The following TMEM63B variants were observed in gnomAD, a reference collection of about 807,000 sequenced individuals.
TMEM63B encodes the protein mechanosensitive cation channel TMEM63B.
A neutral mutation model predicts 102.6 loss-of-function variants in TMEM63B; 23 were observed. The observed-to-expected ratio is 0.22, with a 90% CI of 0.16 to 0.32. The LOEUF is 0.32. Among genes scored for constraint, TMEM63B ranks in the 10% least tolerant of loss-of-function variants. TMEM63B has a pLI of 1.00. For synonymous variants in TMEM63B, 444 were observed against 437.0 expected (o/e 1.02, Z -0.20); for missense variants, 628 against 1,095.9 (o/e 0.57, Z 6.03).
At chr6:44,149,269 G>A (rs1766075534) in intron 15 of TMEM63B, 1 of 425,242 alleles carries the variant, frequency 2.4e-6, no homozygotes. Flanking sequence ...TAGATCAGTG[G>A]CTTTGGACTT....
intron 5 of TMEM63B, among the ~76,000 whole-genome samples, chr6:44,137,001 C>T (rs570720624): frequency 5.8e-4 from 89 of 152,324 alleles, no homozygotes; most frequent in African/African-American, 1.9e-3. Context: ...GCTGAGATGG[C>T]GCCACTGCAC....
At chr6:44,146,618 T>C (rs1357902313) in intron 10 of TMEM63B, among the ~76,000 whole-genome samples, 1 of 151,944 alleles carries the variant, frequency 6.6e-6, no homozygotes, top group African/African-American at 2.4e-5. Flanking sequence ...GCCCAGCTAA[T>C]TTTTGTATTT....
At position 44,148,407 on chromosome 6, in the gene TMEM63B, C is replaced by T. The variant is rs1198446252; in HGVS notation, c.1121+22C>T. The T allele has an allele frequency of 9.9e-6, 16 of 1,614,068 alleles. No individual in the cohort carries two copies. The highest frequency in any genetic ancestry group is 2.7e-5 in the African/African-American group (2 of 74,960). On this transcript the variant is annotated intron_variant, in intron 13 of 23. Coordinates refer to ENST00000323267, the MANE Select transcript of TMEM63B (RefSeq NM_018426.3). The surrounding 1 kb of genome is among the most constrained non-coding windows in gnomAD (Gnocchi z 5.1). ...CCATGTGAGTCCCCAACTCGGCCCT[C>T]GGCCCTGAGCAGCCCTCCAGGGCTC...
In TMEM63B at chr6:44,127,573, G is replaced by T. The variant is rs1213677248; in HGVS notation, c.-130G>T. On this transcript the variant is annotated 5_prime_UTR_variant, in exon 1 of 24. Transcript: ENST00000323267. The stretch of plus-strand genomic sequence containing the variant: ...TCCCCCATACACTGCCGCGGCCGCC[G>T]CAGGAGCCCGGAGCTCGAGCCGCCC... 8.7e-6 allele frequency: 1 copy of T among 115,266 alleles called. No individual in the cohort carries two copies. The highest frequency in any genetic ancestry group is 3.3e-5 in the African/African-American group (1 of 30,170). The allele number at this position is 115,266 out of a possible 1,614,324, so 7.1% of individuals were successfully genotyped here. A position where few individuals can be genotyped will look rare whatever the true frequency, so the allele number is the denominator to read the frequency against.
At chr6:44,135,267 C>T (rs956211919) in intron 3 of TMEM63B, 61 bp from the exon 4 acceptor site, 5 of 1,585,246 alleles carry the variant, frequency 3.2e-6, no homozygotes, top group Admixed American at 1.7e-5. Flanking sequence ...GCCCCTGTTC[C>T]TCACCTGTCC....
At position 44,146,932 on chromosome 6, in the gene TMEM63B, G is replaced by A. The variant is rs1276815991; in HGVS notation, c.863+5G>A. 1.9e-6 allele frequency: 3 copies of A among 1,613,964 alleles called. No individual in the cohort carries two copies. The highest frequency in any genetic ancestry group is 1.7e-6 in the Non-Finnish European group (2 of 1,179,944). On this transcript the variant is annotated splice_donor_5th_base_variant and intron_variant, in intron 11 of 23. Transcript: ENST00000323267. ...AATGTTCCTCGATGCAGAGAGGTAA[G>A]GGACTGGGGGCAGAGGAGGGTGACA...
intron 4 of TMEM63B, 88 bp from the exon 5 acceptor site, chr6:44,136,261 T>G (rs1190922708): frequency 5.7e-6 from 6 of 1,060,120 alleles, no homozygotes; most frequent in East Asian, 2.4e-5. Flanking sequence ...GTGCCTTCTG[T>G]AGCCCTGGAG....
intron 10 of TMEM63B, among the ~76,000 whole-genome samples, chr6:44,142,919 G>A (rs1301925710): frequency 1.4e-4 from 22 of 152,238 alleles, no homozygotes; most frequent in Admixed American, 1.4e-3. Flanking sequence ...ACTGAGGTGG[G>A]AGGATGGCTT....
chr6:44,152,040 C>T lies in TMEM63B; in HGVS notation c.1836+32C>T. 5 of 1,564,154 alleles carry T rather than the reference C, an allele frequency of 3.2e-6. No individual in the cohort carries two copies. The highest frequency in any genetic ancestry group is 2.1e-5 in the Admixed American group (1 of 48,276). ...CCGCCTGGGGCAGCAGCGGCCCGCA[C>T]AGCGCCCCCTGGTGGCCCAACAAGA... On this transcript the variant is annotated intron_variant, in intron 19 of 23. Transcript: ENST00000323267. The surrounding 1 kb of genome is among the most constrained non-coding windows in gnomAD (Gnocchi z 6.4).
Position 44,154,863 on chromosome 6 carries a change from G to C in TMEM63B, c.2479G>C (p.Glu827Gln). The change falls in exon 24 of 24, where the codon GAG (glutamate) becomes CAG (glutamine). Residue 827 changes from glutamate (E) to glutamine (Q), a missense_variant. Physicochemically the swap from Glu to Gln is conservative, Grantham distance 29 (BLOSUM62 2). Around this residue, in one of 6 missense-constraint regions of TMEM63B, gnomAD observed 129 missense variants for 153.5 expected, o/e 0.84. Coordinates refer to ENST00000323267, the MANE Select transcript of TMEM63B (RefSeq NM_018426.3). Reference sequence around the variant, plus strand: ...CCAGTCTTGCGAGGACAGCCTCATAGAGAATGAGATTCACCAGTAAGGGGA... The same window carrying C: ...CCAGTCTTGCGAGGACAGCCTCATACAGAATGAGATTCACCAGTAAGGGGA... ...DFQSCEDSLIENEIHQ is the reference protein window; with the variant it reads ...DFQSCEDSLIQNEIHQ The C allele has an allele frequency of 6.3e-7, 1 of 1,588,646 alleles. No homozygotes were observed. Among genetic ancestry groups the C allele is most frequent in the Middle Eastern group, 2.1e-4 (1 of 4,730 alleles).
In TMEM63B at chr6:44,145,274, C is replaced by CAA. The variant is rs34315211; in HGVS notation, c.783-1557_783-1556dup. On this transcript the variant is annotated intron_variant, in intron 10 of 23. Coordinates refer to ENST00000323267, the MANE Select transcript of TMEM63B (RefSeq NM_018426.3). Reference sequence around the variant, plus strand: ...TGGGCGACAGAGCAAGACTCCGCCTCAAAAAAAAAAAAAAAAAGCTATTAG... The same window carrying CAA: ...TGGGCGACAGAGCAAGACTCCGCCTCAAAAAAAAAAAAAAAAAAAGCTATTAG... 8.5e-3 allele frequency among the ~76,000 whole-genome samples: 899 copies of CAA among 105,720 alleles called. 17 individuals carry two copies. Among genetic ancestry groups the CAA allele is most frequent in the Non-Finnish European group, 0.013 (685 of 53,486 alleles). 69.4% of individuals were successfully genotyped at this position (105,720 alleles called of 152,430 possible).
At chr6:44,137,057 A>C (rs1432201637) in intron 5 of TMEM63B, among the ~76,000 whole-genome samples, 6 of 152,190 alleles carry the variant, frequency 3.9e-5, no homozygotes, top group East Asian at 1.9e-4. Flanking sequence ...AACAAACAAA[A>C]AAAAGAAATA....
chr6:44,132,347 A>G, intron 1 of TMEM63B: 1 of 985,288 alleles, frequency 1.0e-6, no homozygotes, highest in Non-Finnish European at 1.2e-6. Context: ...GGGCCACTTC[A>G]TGTAGAAGCT....
chr6:44,149,256 A>G (rs9369458), intron 15 of TMEM63B: 112,107 of 450,812 alleles, frequency 0.25, 14,590 homozygotes, highest in Admixed American at 0.32. Context: ...GGAAAGGTTC[A>G]ACTAGATCAG....
chr6:44,150,557 C>A lies in TMEM63B; in HGVS notation c.1608-7C>A. On this transcript the variant is annotated splice_polypyrimidine_tract_variant and splice_region_variant and intron_variant, in intron 17 of 23. Transcript: ENST00000323267. The surrounding 1 kb of genome is among the most constrained non-coding windows in gnomAD (Gnocchi z 4.7). ...TCCCACCCCATCTCTCCTCTGCTTC[C>A]CTCCAGCCTGGACCTCTTCTTCCGC... The A allele has an allele frequency of 6.2e-7, 1 of 1,614,140 alleles. No homozygotes were observed. Among genetic ancestry groups the A allele is most frequent in the Non-Finnish European group, 8.5e-7 (1 of 1,180,024 alleles).
Position 44,140,194 on chromosome 6 carries a change from C to T in TMEM63B, c.603-58C>T. The T allele has an allele frequency of 2.2e-6, 3 of 1,369,466 alleles. No homozygotes were observed. In the South Asian group the frequency reaches 3.6e-5, roughly 16 times the overall value. The allele number at this position is 1,369,466 out of a possible 1,614,324, so 84.8% of individuals were successfully genotyped here. A position where few individuals can be genotyped will look rare whatever the true frequency, so the allele number is the denominator to read the frequency against. On this transcript the variant is annotated intron_variant, in intron 8 of 23. Transcript: ENST00000323267. Reference sequence around the variant, plus strand: ...GTTTAACACTGACAGGCTGAGGTGTCTCCTCTGAGTGTGTCCTAGCCCCAG... The same window carrying T: ...GTTTAACACTGACAGGCTGAGGTGTTTCCTCTGAGTGTGTCCTAGCCCCAG...
chr6:44,152,480 A>G lies in TMEM63B; in HGVS notation c.1837-113A>G, dbSNP rs1367517636. The G allele has an allele frequency of 2.6e-6, 2 of 781,220 alleles. No individual in the cohort carries two copies. Among genetic ancestry groups the G allele is most frequent in the African/African-American group, 3.4e-5 (2 of 58,130 alleles). 48.4% of individuals were successfully genotyped at this position (781,220 alleles called of 1,614,324 possible). On this transcript the variant is annotated intron_variant, in intron 19 of 23. Transcript: ENST00000323267. The surrounding 1 kb of genome is among the most constrained non-coding windows in gnomAD (Gnocchi z 6.4). ...CCCTAGACATTAGGTCCTGTTCCCC[A>G]TGGCTTCTTTTCCGGCCCCAGAGGT...
At chr6:44,133,391 TTTG>T (rs2128223373) in intron 1 of TMEM63B, among the ~76,000 whole-genome samples, 1 of 152,224 alleles carries the variant, frequency 6.6e-6, no homozygotes, top group East Asian at 1.9e-4. Context: ...TGTTTCTAGT[TTTG>T]TTGTTCTCTT....
intron 5 of TMEM63B, 111 bp downstream of exon 5, chr6:44,136,550 C>T (rs1762994910): frequency 1.3e-6 from 1 of 760,298 alleles, no homozygotes. Flanking sequence ...GGTTTGGCCT[C>T]CTCCTCAGCA....
Sources: gnomAD v4.1 joint callset for allele counts (sites outside exome capture counted in the v4.1 genomes callset) on GRCh38, gnomAD v4.1.1 for gene constraint, gnomAD v4.1.1 regional missense constraint, Gnocchi (gnomAD v3.1) non-coding constraint, MANE v1.5 for transcripts, NCBI Gene and HGNC (gene_info 2026-07-23, HGNC 2026-07-21) for gene names.